The following COPS6 variants were observed in gnomAD, a reference collection of about 807,000 sequenced individuals.
COPS6 encodes COP9 signalosome subunit 6.
In COPS6, 9 loss-of-function variants were observed where a neutral mutation model predicts 41.0. The observed-to-expected ratio is 0.22, with a 90% confidence interval of 0.13 to 0.38. COPS6 has a LOEUF of 0.38. Among genes scored for constraint, COPS6 ranks in the 10% least tolerant of loss-of-function variants. The pLI, the probability that COPS6 is intolerant of heterozygous loss-of-function variation, is 1.00. For missense variants in COPS6, 302 were observed against 436.7 expected (o/e 0.69, Z 2.75); for synonymous variants, 179 against 162.9 (o/e 1.10, Z -0.75).
chr7:100,090,646 C>A lies in COPS6; in HGVS notation c.478C>A (p.His160Asn), dbSNP rs1237306336. Reference sequence around the variant, plus strand: ...TCTGAAGTTGAACCCTATGACCAAGCACACAGATGTGAGTAATACTCCATG... The same window carrying A: ...TCTGAAGTTGAACCCTATGACCAAGAACACAGATGTGAGTAATACTCCATG... ...LFLKLNPMTK[H>N]TDLPVSVFES... Residue 160 changes from histidine (H) to asparagine (N), a missense_variant, in exon 5 of 10, where the codon CAC (histidine) becomes AAC (asparagine). Physicochemically the swap from His to Asn is moderately conservative, Grantham distance 68. This residue lies in a region of COPS6 where 222 missense variants were observed against 309.0 expected (regional missense o/e 0.72). Transcript: ENST00000303904. The A allele has an allele frequency of 1.2e-6, 2 of 1,613,662 alleles. No homozygotes were observed. Among genetic ancestry groups the A allele is most frequent in the Non-Finnish European group, 1.7e-6 (2 of 1,179,658 alleles).
At chr7:100,089,499 C>G in intron 2 of COPS6, 84 bp downstream of exon 2, 1 of 1,603,270 alleles carries the variant, frequency 6.2e-7, no homozygotes, top group Non-Finnish European at 8.5e-7. Flanking sequence ...CTACTGGAGC[C>G]AATTCCCCCT....
At chr7:100,090,867 CAT>C (rs1330281393) in intron 5 of COPS6, 33 bp from the exon 6 acceptor site, 2 of 1,611,636 alleles carry the variant, frequency 1.2e-6, no homozygotes, top group Non-Finnish European at 1.7e-6. Flanking sequence ...CAAATGTTGG[CAT>C]ATAGTGTTCA....
intron 3 of COPS6, chr7:100,090,069 G>C (rs549663814): frequency 2.3e-6 from 1 of 438,152 alleles, no homozygotes; most frequent in Admixed American, 3.9e-5. Context: ...ACTATGTCAG[G>C]CCGGGCTCAG....
intron 1 of COPS6, 72 bp from the exon 2 acceptor site, chr7:100,089,218 C>A: frequency 6.5e-7 from 1 of 1,546,492 alleles, no homozygotes; most frequent in East Asian, 2.3e-5. Context: ...GCTCCGCCGT[C>A]CCCCACTGCC....
rs774357791 is a variant in COPS6, at chr7:100,091,351, G to A, written c.742+21G>A. 1 of 1,613,504 alleles carries A rather than the reference G, an allele frequency of 6.2e-7. No homozygotes were observed. Among genetic ancestry groups the A allele is most frequent in the South Asian group, 1.1e-5 (1 of 91,082 alleles). Reference sequence around the variant, plus strand: ...AGCGGGTAGGACAGGGGCTTCCCTGGCATTCTTCCTCTCCCTCCTGGGGAA... The same window carrying A: ...AGCGGGTAGGACAGGGGCTTCCCTGACATTCTTCCTCTCCCTCCTGGGGAA... On this transcript the variant is annotated intron_variant, in intron 8 of 9. Transcript: ENST00000303904. The surrounding 1 kb of genome is among the most constrained non-coding windows in gnomAD (Gnocchi z 4.1).
At position 100,090,460 on chromosome 7, in the gene COPS6, C is replaced by A. The variant is rs759319444; in HGVS notation, c.396C>A (p.Asp132Glu). The A allele has an allele frequency of 1.2e-6, 2 of 1,614,090 alleles. No homozygotes were observed. Among genetic ancestry groups the A allele is most frequent in the Admixed American group, 3.3e-5 (2 of 60,018 alleles). Residue 132 changes from aspartate to glutamate, a missense_variant, in exon 4 of 10, where the codon GAC becomes GAA. Transcript: ENST00000303904. Reference protein sequence around the residue: ...LGWYTTGGPPDPSDIHVHKQV... With the variant: ...LGWYTTGGPPEPSDIHVHKQV... Reference sequence around the variant, plus strand: ...GGTATACCACAGGGGGGCCACCTGACCCCTCGGACATCCACGTCCATAAGC... The same window carrying A: ...GGTATACCACAGGGGGGCCACCTGAACCCTCGGACATCCACGTCCATAAGC...
chr7:100,090,167 G>A (rs1795290428), intron 3 of COPS6: 13 of 531,970 alleles, frequency 2.4e-5, no homozygotes, highest in Non-Finnish European at 4.0e-5. Flanking sequence ...GGCAAACATA[G>A]TGAAACCCCA....
chr7:100,091,376 A>G lies in COPS6; in HGVS notation c.743-44A>G. 6.2e-7 allele frequency: 1 copy of G among 1,613,016 alleles called. No homozygotes were observed. The highest frequency in any genetic ancestry group is 8.5e-7 in the Non-Finnish European group (1 of 1,178,976). ...GCATTCTTCCTCTCCCTCCTGGGGAAGTGACAGCATCCAAACTAATGTAGT... is the reference window on the plus strand; with the variant it reads ...GCATTCTTCCTCTCCCTCCTGGGGAGGTGACAGCATCCAAACTAATGTAGT... On this transcript the variant is annotated intron_variant, in intron 8 of 9. Coordinates refer to ENST00000303904, the MANE Select transcript of COPS6 (RefSeq NM_006833.5). This position sits in a 1 kb window ranked among gnomAD's most constrained non-coding sequence, Gnocchi z 4.1.
rs1015845533 is a variant in COPS6 at position 100,090,391 on chromosome 7, C to T, written c.335-8C>T. The stretch of plus-strand genomic sequence containing the variant: ...AATTACTATATGTTCTGGCCCCTTC[C>T]CCTCTAGTTAAACAGGTGTTCAAGG... On this transcript the variant is annotated splice_region_variant and splice_polypyrimidine_tract_variant and intron_variant, in intron 3 of 9. Transcript: ENST00000303904. 2.1e-5 allele frequency: 34 copies of T among 1,605,732 alleles called. No individual in the cohort carries two copies. The highest frequency in any genetic ancestry group is 2.8e-5 in the Non-Finnish European group (33 of 1,172,668).
rs759619174 is a variant in COPS6 at position 100,091,777 on chromosome 7, G to T, written c.972G>T (p.Gly324=). 5.6e-6 allele frequency: 9 copies of T among 1,614,216 alleles called. No individual in the cohort carries two copies. The highest frequency in any genetic ancestry group is 7.6e-6 in the Non-Finnish European group (9 of 1,180,048). Residue 324 remains glycine (G), a synonymous_variant, in exon 10 of 10, where the codon GGG becomes GGT. Coordinates refer to ENST00000303904, the MANE Select transcript of COPS6 (RefSeq NM_006833.5). This position sits in a 1 kb window ranked among gnomAD's most constrained non-coding sequence, Gnocchi z 4.1. ...AAGGCATCGGCAGGAGAATGCGCGG[G>T]CTCTTTTTCTGATGAGGGTACTTGA... ...DRQGIGRRMR[G]LFF is the part of the protein sequence containing the mutation.
rs555625764 is a variant in COPS6, at chr7:100,091,824, G to C, written c.*35G>C. 6.2e-7 allele frequency: 1 copy of C among 1,613,716 alleles called. No individual in the cohort carries two copies. The highest frequency in any genetic ancestry group is 8.5e-7 in the Non-Finnish European group (1 of 1,179,616). ...TTGAAGGGCTGATGGACAGGGGTCAGGCAACTATCCCAAAGGGGAGGGCAC... is the reference window on the plus strand; with the variant it reads ...TTGAAGGGCTGATGGACAGGGGTCACGCAACTATCCCAAAGGGGAGGGCAC... On this transcript the variant is annotated 3_prime_UTR_variant, in exon 10 of 10. Coordinates refer to ENST00000303904, the MANE Select transcript of COPS6 (RefSeq NM_006833.5). This position sits in a 1 kb window ranked among gnomAD's most constrained non-coding sequence, Gnocchi z 4.1.
rs758574948 is a variant in COPS6 at position 100,091,568 on chromosome 7, C to A, written c.843+48C>A. 5.0e-6 allele frequency: 8 copies of A among 1,613,764 alleles called. No individual in the cohort carries two copies. In the Admixed American group the frequency reaches 1.2e-4, roughly 24 times the overall value. ...GAGGCGGGGCTTATGCTGTCACTTT[C>A]ACGTGCAGGACTGGGGACTGTTGTT... On this transcript the variant is annotated intron_variant, in intron 9 of 9. Transcript: ENST00000303904. This position sits in a 1 kb window ranked among gnomAD's most constrained non-coding sequence, Gnocchi z 4.1.
intron 3 of COPS6, chr7:100,090,040 A>G (rs1376258712): frequency 1.1e-5 from 5 of 439,684 alleles, no homozygotes; most frequent in Non-Finnish European, 2.1e-5. Context: ...CACATTGAGG[A>G]AGGATGGTTT....
Position 100,091,495 on chromosome 7 carries a change from A to G in COPS6, c.818A>G (p.Asp273Gly). The change falls in exon 9 of 10, where the codon GAC (aspartate) becomes GGC (glycine). Residue 273 changes from aspartate to glycine, a missense_variant. By Grantham distance (94) the Asp-to-Gly change is moderately conservative. Coordinates refer to ENST00000303904, the MANE Select transcript of COPS6 (RefSeq NM_006833.5). The surrounding 1 kb of genome is among the most constrained non-coding windows in gnomAD (Gnocchi z 4.1). ...LCHCLPVLST[D>G]KFKTDFYDQC... ...CACTGTCTCCCGGTGCTCAGCACAGACAAGTTCAAGACAGATTTTTATGAT... is the reference window on the plus strand; with the variant it reads ...CACTGTCTCCCGGTGCTCAGCACAGGCAAGTTCAAGACAGATTTTTATGAT... 6.2e-7 allele frequency: 1 copy of G among 1,614,218 alleles called. No individual in the cohort carries two copies. Among genetic ancestry groups the G allele is most frequent in the Non-Finnish European group, 8.5e-7 (1 of 1,180,014 alleles).
chr7:100,089,260 T>C (rs1334750350), intron 1 of COPS6, 30 bp from the exon 2 acceptor site: 2 of 1,602,596 alleles, frequency 1.2e-6, no homozygotes, highest in Non-Finnish European at 1.7e-6. Context: ...GCCCGGACTC[T>C]CACCCTCTCT....
chr7:100,089,267 C>T (rs1795278310), intron 1 of COPS6, 23 bp from the exon 2 acceptor site: 2 of 1,607,750 alleles, frequency 1.2e-6, no homozygotes, highest in Non-Finnish European at 1.7e-6. Flanking sequence ...CTCTCACCCT[C>T]TCTCCTTTCC....
rs200385869 is a variant in COPS6, at chr7:100,089,732, C to T, written c.320C>T (p.Thr107Ile). Residue 107 changes from threonine to isoleucine, a missense_variant, in exon 3 of 10, where the codon ACC (threonine) becomes ATC (isoleucine). Transcript: ENST00000303904. Reference protein sequence around the residue: ...KIIIDKEYYYTKEEQFKQVFK... With the variant: ...KIIIDKEYYYIKEEQFKQVFK... Reference sequence around the variant, plus strand: ...ATCATTGACAAGGAATATTATTACACCAAGGAGGAGCAGTGTGAGAGTGGA... The same window carrying T: ...ATCATTGACAAGGAATATTATTACATCAAGGAGGAGCAGTGTGAGAGTGGA... The T allele has an allele frequency of 6.8e-6, 11 of 1,613,508 alleles. No homozygotes were observed. The highest frequency in any genetic ancestry group is 3.3e-5 in the Admixed American group (2 of 59,960).
In COPS6 at chr7:100,091,644, C is replaced by G. The variant is rs371103105; in HGVS notation, c.844-5C>G. ...GAGGAACTGGTCCTTTCTGTTCCCT[C>G]CCAGCAATGCAACGACGTGGGGCTC... On this transcript the variant is annotated splice_polypyrimidine_tract_variant and splice_region_variant and intron_variant, in intron 9 of 9. Coordinates refer to ENST00000303904, the MANE Select transcript of COPS6 (RefSeq NM_006833.5). The surrounding 1 kb of genome is among the most constrained non-coding windows in gnomAD (Gnocchi z 4.1). The G allele has an allele frequency of 8.7e-6, 14 of 1,614,130 alleles. No homozygotes were observed. The highest frequency in any genetic ancestry group is 1.2e-5 in the Non-Finnish European group (14 of 1,180,064).
Position 100,089,037 on chromosome 7 carries a change from G to A in COPS6, c.47G>A (p.Gly16Glu). The A allele has an allele frequency of 5.9e-6, 8 of 1,364,598 alleles. No homozygotes were observed. The highest frequency in any genetic ancestry group is 6.6e-6 in the Non-Finnish European group (7 of 1,057,108). The allele number at this position is 1,364,598 out of a possible 1,614,324, so 84.5% of individuals were successfully genotyped here. A position where few individuals can be genotyped will look rare whatever the true frequency, so the allele number is the denominator to read the frequency against. ...AAAAATNGTG[G>E]SSGMEVDAAV... The stretch of plus-strand genomic sequence containing the variant: ...GCTGCAGCTACGAACGGGACCGGAG[G>A]AAGCAGCGGGATGGAGGTGGATGCA... The change falls in exon 1 of 10, where the codon GGA becomes GAA. Residue 16 changes from glycine to glutamate, a missense_variant. By Grantham distance (98) the Gly-to-Glu change is moderately conservative. Coordinates refer to ENST00000303904, the MANE Select transcript of COPS6 (RefSeq NM_006833.5).
Sources: gnomAD v4.1 joint callset for allele counts on GRCh38, gnomAD v4.1.1 for gene constraint, gnomAD v4.1.1 regional missense constraint, Gnocchi (gnomAD v3.1) non-coding constraint, MANE v1.5 for transcripts, NCBI Gene and HGNC (gene_info 2026-07-23, HGNC 2026-07-21) for gene names.